Variants in SETD7 observed in about 807,000 individuals in gnomAD.
SETD7 encodes the protein histone-lysine N-methyltransferase SETD7.
Under a neutral mutation model 41.8 loss-of-function variants are expected in SETD7, and 16 were observed. That is an observed-to-expected ratio of 0.38 (90% CI 0.26 to 0.58). SETD7 has a LOEUF of 0.58. Ranked by LOEUF, SETD7 falls within the 20% of genes least tolerant of loss-of-function variation. SETD7 has a pLI of 0.64. For synonymous variants in SETD7, 163 were observed against 169.7 expected, an observed-to-expected ratio of 0.96 and a Z score of 0.31; for missense variants, 346 against 459.7, an observed-to-expected ratio of 0.75 and a Z score of 2.26.
downstream of SETD7, among the ~76,000 whole-genome samples, chr4:139,503,961 T>C (rs1388528602): frequency 2.6e-5 from 4 of 152,202 alleles, no homozygotes; most frequent in Non-Finnish European, 5.9e-5. Context: ...TTGGCTGTGA[T>C]GGCTGGAACC....
downstream of SETD7, among the ~76,000 whole-genome samples, chr4:139,494,190 A>C (rs1726413736): frequency 1.3e-5 from 2 of 152,240 alleles, no homozygotes; most frequent in Admixed American, 6.5e-5. Context: ...TATTTGATTA[A>C]TCTATAAAGG....
chr4:139,530,501 T>C (rs1474857041), intron 3 of SETD7, among the ~76,000 whole-genome samples: 1 of 152,172 alleles, frequency 6.6e-6, no homozygotes, highest in Non-Finnish European at 1.5e-5. Flanking sequence ...CTCTTTCTTC[T>C]CTTCAAGTTA....
intron 2 of SETD7, among the ~76,000 whole-genome samples, chr4:139,546,115 A>G (rs576735839): frequency 6.6e-5 from 10 of 152,332 alleles, no homozygotes; most frequent in African/African-American, 2.2e-4. Flanking sequence ...GTGTCCTCAG[A>G]CAGGGGATGA....
intron 7 of SETD7, among the ~76,000 whole-genome samples, chr4:139,516,500 AT>A (rs1727031945): frequency 6.8e-6 from 1 of 146,990 alleles, no homozygotes; most frequent in African/African-American, 2.5e-5. Context: ...ATGAAAAAGA[AT>A]TTTCTAGTCA....
At chr4:139,551,427 C>T (rs1323555975) in intron 1 of SETD7, among the ~76,000 whole-genome samples, 1 of 152,200 alleles carries the variant, frequency 6.6e-6, no homozygotes, top group Non-Finnish European at 1.5e-5. Context: ...CACAAGTCTA[C>T]TTTTTCACTT....
chr4:139,499,555 C>G (rs1000381826), intron 7 of SETD7, among the ~76,000 whole-genome samples: 7 of 152,078 alleles, frequency 4.6e-5, no homozygotes, highest in African/African-American at 7.2e-5. Context: ...GTCCCAAGAC[C>G]CCCCCTCCCA....
rs181798151 is a variant in SETD7, at chr4:139,525,210, A to G, written c.563-1775T>C. ...AATTCCATCTAGCTCCTTAGACTAA[A>G]ATTTTTATGACAAATTTACTGAGTG... On this transcript the variant is annotated intron_variant, in intron 4 of 7. Coordinates refer to ENST00000274031, the MANE Select transcript of SETD7 (RefSeq NM_030648.4). Among the ~76,000 whole-genome samples, 19 of 152,296 alleles carry G rather than the reference A, an allele frequency of 1.2e-4. No individual in the cohort carries two copies. In the East Asian group the frequency reaches 3.5e-3, roughly 28 times the overall value.
chr4:139,511,796 C>A lies in SETD7; in HGVS notation c.968G>T (p.Arg323Ile). 2 of 1,614,114 alleles carry A rather than the reference C, an allele frequency of 1.2e-6. No homozygotes were observed. Among genetic ancestry groups the A allele is most frequent in the Non-Finnish European group, 1.7e-6 (2 of 1,179,984 alleles). The change falls in exon 8 of 8, where the codon AGA becomes ATA. Residue 323 changes from arginine to isoleucine, a missense_variant. Physicochemically the swap from Arg to Ile is moderately conservative, Grantham distance 97 (BLOSUM62 -3). Transcript: ENST00000274031. ...FGPIKCIRTL[R>I]AVEADEELTV... ...GAGCTCTTCATCGGCCTCCACTGCT[C>A]TCAGGGTGCGGATGCATTTGATGGG...
rs1356303380 is a variant in SETD7 at position 139,508,429 on chromosome 4, T to C, written c.*3234A>G. 1 of 152,254 alleles carries C rather than the reference T, an allele frequency of 6.6e-6. No homozygotes were observed. The highest frequency in any genetic ancestry group is 1.5e-5 in the Non-Finnish European group (1 of 68,044). 9.4% of individuals were successfully genotyped at this position (152,254 alleles called of 1,614,324 possible). ...TCATTCCTTTGTGTCGGAAATTCAG[T>C]CTTTCCAGTTGTTTTTGTTAGTCCA... is the stretch of plus-strand genomic sequence containing the variant. On this transcript the variant is annotated 3_prime_UTR_variant, in exon 8 of 8. Transcript: ENST00000274031.
At position 139,547,010 on chromosome 4, in the gene SETD7, G is replaced by A; in HGVS notation, c.80C>T (p.Thr27Ile). The change falls in exon 2 of 8, where the codon ACA becomes ATA. Residue 27 changes from threonine (T) to isoleucine (I), a missense_variant. Transcript: ENST00000274031. ...DDDGLPHGFC[T>I]VTYSSTDRFE... The stretch of plus-strand genomic sequence containing the variant: ...TCTGTCTGTGGAGGAGTAGGTGACT[G>A]TGCAGAACCCGTGCGGTAATCCGTC... 1.2e-6 allele frequency: 2 copies of A among 1,614,184 alleles called. No homozygotes were observed. The highest frequency in any genetic ancestry group is 1.7e-6 in the Non-Finnish European group (2 of 1,180,044).
intron 3 of SETD7, among the ~76,000 whole-genome samples, chr4:139,532,140 T>C (rs1020180025): frequency 7.2e-5 from 11 of 152,084 alleles, no homozygotes; most frequent in African/African-American, 2.7e-4. Flanking sequence ...CAAAATAAAG[T>C]ATTAAGCAAA....
intron 2 of SETD7, among the ~76,000 whole-genome samples, chr4:139,535,934 G>A (rs915299943): frequency 7.2e-5 from 11 of 152,090 alleles, no homozygotes; most frequent in Admixed American, 7.2e-4. Context: ...TCTTAGACTG[G>A]CATTCAAGGC....
At chr4:139,531,752 C>A (rs182763313) in intron 3 of SETD7, among the ~76,000 whole-genome samples, 2 of 152,084 alleles carry the variant, frequency 1.3e-5, no homozygotes, top group African/African-American at 2.4e-5. Context: ...TGTAACTGAT[C>A]ATTTCTTTTT....
At chr4:139,502,083 T>C (rs1184180470), downstream of SETD7, among the ~76,000 whole-genome samples, 1 of 152,172 alleles carries the variant, frequency 6.6e-6, no homozygotes, top group African/African-American at 2.4e-5. Flanking sequence ...CAGCTAGAAA[T>C]TGCAAGGCTG....
intron 2 of SETD7, among the ~76,000 whole-genome samples, chr4:139,534,548 C>T (rs1040008277): frequency 1.3e-5 from 2 of 151,926 alleles, no homozygotes; most frequent in Non-Finnish European, 2.9e-5. Flanking sequence ...GTCACCACAC[C>T]GGGTTAATTT....
chr4:139,534,626 G>T (rs1727586025), intron 2 of SETD7, among the ~76,000 whole-genome samples: 1 of 152,044 alleles, frequency 6.6e-6, no homozygotes, highest in South Asian at 2.1e-4. Flanking sequence ...CTGGGCTCAA[G>T]GGATCCACCC....
At chr4:139,518,207 C>T (rs1727083554) in intron 6 of SETD7, among the ~76,000 whole-genome samples, 165 bp from the exon 7 acceptor site, 1 of 152,254 alleles carries the variant, frequency 6.6e-6, no homozygotes, top group African/African-American at 2.4e-5. Context: ...TGGCTCACCA[C>T]AACCTCTGCC....
At chr4:139,550,383 G>A (rs994657845) in intron 1 of SETD7, among the ~76,000 whole-genome samples, 8 of 152,166 alleles carry the variant, frequency 5.3e-5, no homozygotes, top group African/African-American at 1.4e-4. Flanking sequence ...TCTATTCGAC[G>A]ACAGCAGGAG....
At chr4:139,554,636 TA>T (rs1728206170) in intron 1 of SETD7, among the ~76,000 whole-genome samples, 1 of 152,230 alleles carries the variant, frequency 6.6e-6, no homozygotes, top group Non-Finnish European at 1.5e-5. Context: ...ATTAGAGAGA[TA>T]AATAGCTCTG....
Sources: gnomAD v4.1 joint callset for allele counts (sites outside exome capture counted in the v4.1 genomes callset) on GRCh38, gnomAD v4.1.1 for gene constraint, MANE v1.5 for transcripts, NCBI Gene and HGNC (gene_info 2026-07-23, HGNC 2026-07-21) for gene names.